MPHOSPH9: variants seen among roughly 807,000 people sequenced by gnomAD.
MPHOSPH9 encodes M-phase phosphoprotein 9.
MPHOSPH9 carries 88 observed loss-of-function variants against 145.5 expected under a neutral mutation model. The ratio of observed to expected loss-of-function variants is 0.60; its 90% CI spans 0.51 to 0.72. MPHOSPH9 has a LOEUF of 0.72. Among genes scored for constraint, MPHOSPH9 ranks in the 30% least tolerant of loss-of-function variants. MPHOSPH9 has a pLI of 0.00. For synonymous variants in MPHOSPH9, 435 were observed against 486.2 expected (o/e 0.89, Z 1.39); for missense variants, 1,238 against 1,386.6 (o/e 0.89, Z 1.70).
intron 13 of MPHOSPH9, among the ~76,000 whole-genome samples, chr12:123,189,426 T>A (rs1366927093): frequency 6.6e-6 from 1 of 152,118 alleles, no homozygotes; most frequent in Non-Finnish European, 1.5e-5. Context: ...CTAGAGGCGC[T>A]TGCACACATT....
chr12:123,233,342 G>T (rs566925298), upstream of MPHOSPH9: 6 of 152,402 alleles, frequency 3.9e-5, no homozygotes, highest in African/African-American at 1.2e-4. Context: ...GGAGCCAGCC[G>T]CTGCCACGAG....
rs940351541 is a variant in MPHOSPH9, at chr12:123,221,126, C to G, written c.872+246G>C. ...ACTTCCACTATTGATACAGTCCTGTCTGCTAAAAATATCTTTTCTATTTTC... is the reference window on the plus strand; with the variant it reads ...ACTTCCACTATTGATACAGTCCTGTGTGCTAAAAATATCTTTTCTATTTTC... On this transcript the variant is annotated intron_variant, in intron 5 of 23. Transcript: ENST00000606320. Among the ~76,000 whole-genome samples the G allele has an allele frequency of 9.9e-5, 15 of 152,208 alleles. 1 individual carries two copies. The highest frequency in any genetic ancestry group is 8.8e-5 in the Non-Finnish European group (6 of 68,036).
At position 123,203,365 on chromosome 12, in the gene MPHOSPH9, C is replaced by G. The variant is rs2046302290; in HGVS notation, c.1205G>C (p.Ser402Thr). 6.2e-7 allele frequency: 1 copy of G among 1,603,174 alleles called. No homozygotes were observed. Among genetic ancestry groups the G allele is most frequent in the East Asian group, 2.2e-5 (1 of 44,824 alleles). ...CAGTGACGGTAGCTTCATCTCATTA[C>G]TAGTATTAGACTTAAAGATACGAAA... ...TDVSPNQSNT[S>T]NEMKLPSLKD... is the part of the protein sequence containing the mutation. The change falls in exon 9 of 24, where the codon AGT becomes ACT. Residue 402 changes from serine (S) to threonine (T), a missense_variant. Physicochemically the swap from Ser to Thr is moderately conservative, Grantham distance 58 (BLOSUM62 1). Around this residue, in one of 3 missense-constraint regions of MPHOSPH9, gnomAD observed 837 missense variants for 897.5 expected, o/e 0.93. Coordinates refer to ENST00000606320, the MANE Select transcript of MPHOSPH9 (RefSeq NM_022782.4).
upstream of MPHOSPH9, among the ~76,000 whole-genome samples, chr12:123,237,336 A>C (rs2047867369): frequency 6.6e-6 from 1 of 152,190 alleles, no homozygotes; most frequent in Non-Finnish European, 1.5e-5. Flanking sequence ...AGGCTGAGAC[A>C]GGAGAATCAC....
At chr12:123,194,351 A>G in intron 13 of MPHOSPH9, 35 bp downstream of exon 13, 1 of 1,310,088 alleles carries the variant, frequency 7.6e-7, no homozygotes, top group Non-Finnish European at 1.1e-6. Flanking sequence ...CTTTTAGCCA[A>G]TCACGTCATT....
intron 4 of MPHOSPH9, 91 bp downstream of exon 4, chr12:123,222,947 T>C: frequency 2.8e-6 from 2 of 724,062 alleles, no homozygotes; most frequent in Non-Finnish European, 4.1e-6. Flanking sequence ...TATATATGTG[T>C]GTGTGTATAT....
chr12:123,174,400 T>G (rs2044732684), intron 16 of MPHOSPH9, among the ~76,000 whole-genome samples: 3 of 143,036 alleles, frequency 2.1e-5, no homozygotes, highest in East Asian at 2.1e-4. Flanking sequence ...TGAGACGGAG[T>G]CTTGCTCAGT....
intron 15 of MPHOSPH9, among the ~76,000 whole-genome samples, chr12:123,177,427 T>C (rs1045938909): frequency 1.8e-4 from 27 of 151,434 alleles, no homozygotes; most frequent in African/African-American, 6.3e-4. Context: ...CCCAGCTACT[T>C]GGGAGACTGA....
At position 123,218,492 on chromosome 12, in the gene MPHOSPH9, T is replaced by C. The variant is rs564275784; in HGVS notation, c.880A>G (p.Ile294Val). ...VYSGKTNSNA[I>V]TSWAQKLKQN... ...TTCAGTTTTTGTGCCCATGATGTTA[T>C]AGCATTACTATTTAAGAAGAGAAAA... The change falls in exon 6 of 24, where the codon ATA becomes GTA. Residue 294 changes from isoleucine (I) to valine (V), a missense_variant. Around this residue, in one of 3 missense-constraint regions of MPHOSPH9, gnomAD observed 837 missense variants for 897.5 expected, o/e 0.93. Transcript: ENST00000606320. 1.3e-4 allele frequency: 213 copies of C among 1,612,856 alleles called. 3 individuals carry two copies. The South Asian group carries it at 2.1e-3, about 16-fold the overall frequency.
chr12:123,176,836 T>A, intron 15 of MPHOSPH9, 47 bp from the exon 16 acceptor site: 1 of 1,410,916 alleles, frequency 7.1e-7, no homozygotes, highest in Non-Finnish European at 1.0e-6. Context: ...TCAACAAATG[T>A]AAAATATAGC....
rs1217443004 is a variant in MPHOSPH9 at position 123,155,424 on chromosome 12, C to T, written c.*1383G>A. 1 of 152,112 alleles carries T rather than the reference C, an allele frequency of 6.6e-6. No individual in the cohort carries two copies. Among genetic ancestry groups the T allele is most frequent in the Admixed American group, 6.6e-5 (1 of 15,264 alleles). The allele number at this position is 152,112 out of a possible 1,614,324, so 9.4% of individuals were successfully genotyped here. A position where few individuals can be genotyped will look rare whatever the true frequency, so the allele number is the denominator to read the frequency against. On this transcript the variant is annotated 3_prime_UTR_variant, in exon 24 of 24. Transcript: ENST00000606320. The stretch of plus-strand genomic sequence containing the variant: ...AGCCAGGTGAAGGGTGCTCAAAGGT[C>T]ATTTGAGAGCCTGCTTGGAATAACT...
At position 123,156,825 on chromosome 12, in the gene MPHOSPH9, G is replaced by C; in HGVS notation, c.3534C>G (p.Arg1178=). Residue 1178 remains arginine (R), a synonymous_variant, in exon 24 of 24, where the codon CGC becomes CGG. Transcript: ENST00000606320. ...RMTLKKFHVL[R]TSANL is the part of the protein sequence containing the mutation. Reference sequence around the variant, plus strand: ...ACAAATCTCAAAGATTTGCAGAGGTGCGCAAAACATGGAATTTCTTTAGCG... The same window carrying C: ...ACAAATCTCAAAGATTTGCAGAGGTCCGCAAAACATGGAATTTCTTTAGCG... 6.2e-7 allele frequency: 1 copy of C among 1,611,768 alleles called. No homozygotes were observed. Among genetic ancestry groups the C allele is most frequent in the South Asian group, 1.1e-5 (1 of 90,944 alleles).
intron 13 of MPHOSPH9, among the ~76,000 whole-genome samples, chr12:123,186,570 T>TC (rs2045453878): frequency 6.6e-6 from 1 of 152,156 alleles, no homozygotes; most frequent in Non-Finnish European, 1.5e-5. Flanking sequence ...GAAGAAAACA[T>TC]ACACCCAGAA....
In MPHOSPH9 at chr12:123,163,094, A is replaced by G. The variant is rs1226587584; in HGVS notation, c.2949T>C (p.Tyr983=). The G allele has an allele frequency of 6.3e-7, 1 of 1,591,992 alleles. No individual in the cohort carries two copies. The highest frequency in any genetic ancestry group is 8.5e-7 in the Non-Finnish European group (1 of 1,173,570). Reference sequence around the variant, plus strand: ...TTTCTTTAGGGGATCGCTTTGGACTATAAGCCACAGTCACTGGTGTTAGCA... The same window carrying G: ...TTTCTTTAGGGGATCGCTTTGGACTGTAAGCCACAGTCACTGGTGTTAGCA... ...EIMLTPVTVA[Y]SPKRSPKENL... The change falls in exon 20 of 24, where the codon TAT becomes TAC. Residue 983 remains tyrosine, a synonymous_variant. Coordinates refer to ENST00000606320, the MANE Select transcript of MPHOSPH9 (RefSeq NM_022782.4).
intron 13 of MPHOSPH9, among the ~76,000 whole-genome samples, chr12:123,193,243 T>C (rs990421328): frequency 6.6e-6 from 1 of 151,362 alleles, no homozygotes; most frequent in African/African-American, 2.4e-5. Context: ...AAAGTCAGTA[T>C]GTCTGAAATA....
rs568541941 is a variant in MPHOSPH9 at position 123,157,771 on chromosome 12, G to A, written c.3451-863C>T. Among the ~76,000 whole-genome samples the A allele has an allele frequency of 1.3e-4, 20 of 151,702 alleles. No individual in the cohort carries two copies. The South Asian group carries it at 2.7e-3, about 21-fold the overall frequency. On this transcript the variant is annotated intron_variant, in intron 23 of 23. Transcript: ENST00000606320. ...CAAAGTGCTGGGATTATAGGCATAA[G>A]CCACTATACCCAGCCTCATTTTAGT...
At chr12:123,201,951 C>G (rs1438026111) in intron 11 of MPHOSPH9, among the ~76,000 whole-genome samples, 1 of 152,174 alleles carries the variant, frequency 6.6e-6, no homozygotes, top group African/African-American at 2.4e-5. Flanking sequence ...ATTCGCTCAA[C>G]TGTTTCAGTA....
chr12:123,173,383 C>T (rs928660361), intron 16 of MPHOSPH9, among the ~76,000 whole-genome samples: 1 of 152,184 alleles, frequency 6.6e-6, no homozygotes, highest in African/African-American at 2.4e-5. Flanking sequence ...TTGCAGTCAA[C>T]AGAATCTCTA....
At chr12:123,153,764 C>CAAAAAAAA (rs57564688), downstream of MPHOSPH9, among the ~76,000 whole-genome samples, 3 of 109,320 alleles carry the variant, frequency 2.7e-5, no homozygotes, top group Non-Finnish European at 3.4e-5. Context: ...GACTCCATCT[C>CAAAAAAAA]AAAAAAAAAA....
Sources: gnomAD v4.1 joint callset for allele counts (sites outside exome capture counted in the v4.1 genomes callset) on GRCh38, gnomAD v4.1.1 for gene constraint, gnomAD v4.1.1 regional missense constraint, MANE v1.5 for transcripts, NCBI Gene and HGNC (gene_info 2026-07-23, HGNC 2026-07-21) for gene names.